Variants in UNC13C observed in about 807,000 individuals in gnomAD.
The protein encoded by UNC13C is protein unc-13 homolog C.
In UNC13C, 174 loss-of-function variants were observed where a neutral mutation model predicts 245.4. The observed-to-expected ratio is 0.71, with a 90% CI of 0.63 to 0.80. The LOEUF (loss-of-function observed/expected upper bound fraction) is 0.80. Ranked by LOEUF, UNC13C falls within the 30% of genes least tolerant of loss-of-function variation. The pLI is 0.00. For missense variants in UNC13C, 2,829 were observed against 2,602.9 expected (o/e 1.09, Z -1.89); for synonymous variants, 992 against 895.1 (o/e 1.11, Z -1.93).
chr15:54,256,150 A>C (rs1255550012), intron 8 of UNC13C, among the ~76,000 whole-genome samples: 3 of 152,218 alleles, frequency 2.0e-5, no homozygotes, highest in Non-Finnish European at 2.9e-5. Flanking sequence ...GAAAACAGTT[A>C]ATAATACTTG....
chr15:54,207,851 A>G (rs1018108687), intron 4 of UNC13C, among the ~76,000 whole-genome samples: 1 of 152,156 alleles, frequency 6.6e-6, no homozygotes, highest in African/African-American at 2.4e-5. Flanking sequence ...ATTTTGGAAC[A>G]AAATACTTAA....
intron 13 of UNC13C, among the ~76,000 whole-genome samples, chr15:54,307,674 T>G (rs1442824526): frequency 6.6e-6 from 1 of 151,922 alleles, no homozygotes. Context: ...ATGGGCAGCC[T>G]GAGGGCCCCA....
chr15:54,230,234 A>G (rs1323845672), intron 4 of UNC13C, among the ~76,000 whole-genome samples: 1 of 152,162 alleles, frequency 6.6e-6, no homozygotes, highest in Admixed American at 6.5e-5. Context: ...CTTTTTCTCC[A>G]TAGCATCACC....
chr15:53,893,155 C>T, the UNC13C span, among the ~76,000 whole-genome samples: 10 of 152,276 alleles, frequency 6.6e-5, no homozygotes, highest in Admixed American at 2.6e-4. Context: ...CACTCCAGAC[C>T]CTGTTTGCCT....
the UNC13C span, among the ~76,000 whole-genome samples, chr15:53,874,441 G>A: frequency 6.6e-6 from 1 of 152,102 alleles, no homozygotes; most frequent in African/African-American, 2.4e-5. Flanking sequence ...TATCCCCAAG[G>A]TGTTTACCTC....
intron 13 of UNC13C, among the ~76,000 whole-genome samples, chr15:54,312,525 A>C (rs901896094): frequency 6.6e-6 from 1 of 151,832 alleles, no homozygotes; most frequent in Non-Finnish European, 1.5e-5. Flanking sequence ...CAGAGCATAA[A>C]AGATTCTACA....
intron 2 of UNC13C, among the ~76,000 whole-genome samples, chr15:54,036,913 G>T (rs1441126244): frequency 2.6e-5 from 4 of 152,224 alleles, no homozygotes; most frequent in African/African-American, 9.6e-5. Context: ...AGCAGGGAGA[G>T]TCATTAAATG....
At chr15:53,941,779 A>G in the UNC13C span, among the ~76,000 whole-genome samples, 1 of 152,220 alleles carries the variant, frequency 6.6e-6, no homozygotes, top group Non-Finnish European at 1.5e-5. Flanking sequence ...AAAAGAGGAC[A>G]TTCATGGGGC....
chr15:54,420,149 T>C lies in UNC13C; in HGVS notation c.4933+5082T>C, dbSNP rs181727185. 1.6e-4 allele frequency among the ~76,000 whole-genome samples: 25 copies of C among 152,212 alleles called. No homozygotes were observed. The East Asian group carries it at 4.8e-3, about 29-fold the overall frequency. On this transcript the variant is annotated intron_variant, in intron 19 of 32. Transcript: ENST00000260323. The stretch of plus-strand genomic sequence containing the variant: ...AAATATAAGGTTTAGGGTTAGTGTA[T>C]CAGTTACCTATTATGATATAATGAA...
rs531692553 is a variant in UNC13C, at chr15:54,170,622, C to T, written c.3071+26938C>T. ...GGAAGAGACAGCCATTTCATTTGAA[C>T]AGGTTAAAGGATTTTATCTGTTATA... On this transcript the variant is annotated intron_variant, in intron 4 of 32. Coordinates refer to ENST00000260323, the MANE Select transcript of UNC13C (RefSeq NM_001080534.3). 2.0e-5 allele frequency among the ~76,000 whole-genome samples: 3 copies of T among 151,930 alleles called. No homozygotes were observed. In the South Asian group the frequency reaches 6.2e-4, roughly 32 times the overall value.
At chr15:54,380,400 T>C (rs1182116066) in intron 17 of UNC13C, among the ~76,000 whole-genome samples, 1 of 152,238 alleles carries the variant, frequency 6.6e-6, no homozygotes, top group Non-Finnish European at 1.5e-5. Context: ...TGATTCCATA[T>C]CTTGGCTATT....
the UNC13C span, among the ~76,000 whole-genome samples, chr15:53,899,205 C>T: frequency 3.9e-5 from 6 of 152,120 alleles, no homozygotes; most frequent in Non-Finnish European, 8.8e-5. Context: ...CTGCCTATGT[C>T]CACTGGAATA....
At chr15:53,898,594 C>A in the UNC13C span, among the ~76,000 whole-genome samples, 1 of 152,114 alleles carries the variant, frequency 6.6e-6, no homozygotes, top group Non-Finnish European at 1.5e-5. Flanking sequence ...CCCAAGGGAG[C>A]AGGGAGCTGA....
At chr15:54,155,710 G>C in intron 4 of UNC13C, among the ~76,000 whole-genome samples, 1 of 152,082 alleles carries the variant, frequency 6.6e-6, no homozygotes, top group Non-Finnish European at 1.5e-5. Flanking sequence ...TTTCCAGATG[G>C]GTGAATAAAA....
intron 4 of UNC13C, among the ~76,000 whole-genome samples, chr15:54,194,178 C>A (rs1320750513): frequency 4.6e-5 from 7 of 152,176 alleles, no homozygotes; most frequent in South Asian, 2.1e-4. Context: ...GGAGACTATA[C>A]AATGACCCAA....
intron 30 of UNC13C, among the ~76,000 whole-genome samples, chr15:54,621,385 G>C (rs1032590673): frequency 2.0e-5 from 3 of 152,014 alleles, no homozygotes; most frequent in African/African-American, 7.2e-5. Flanking sequence ...GTTTATAATA[G>C]CAAGGAATTA....
rs2039224143 is a variant in UNC13C at position 54,361,238 on chromosome 15, T to C, written c.4713+22749T>C. Among the ~76,000 whole-genome samples, 8 of 152,152 alleles carry C rather than the reference T, an allele frequency of 5.3e-5. No individual in the cohort carries two copies. In the South Asian group the frequency reaches 1.5e-3, roughly 28 times the overall value. On this transcript the variant is annotated intron_variant, in intron 17 of 32. Transcript: ENST00000260323. Reference sequence around the variant, plus strand: ...TATTTCCCTTCTTTGATCAAGTCTATTGTTGAGGCTTTCTAATGTGTTTTT... The same window carrying C: ...TATTTCCCTTCTTTGATCAAGTCTACTGTTGAGGCTTTCTAATGTGTTTTT...
intron 19 of UNC13C, among the ~76,000 whole-genome samples, chr15:54,490,322 C>T (rs982083140): frequency 5.3e-5 from 8 of 152,080 alleles, no homozygotes; most frequent in Admixed American, 1.3e-4. Context: ...CCATCCTCAA[C>T]GGGAAGACTT....
intron 2 of UNC13C, among the ~76,000 whole-genome samples, chr15:54,033,952 A>C (rs186756240): frequency 5.3e-5 from 8 of 152,330 alleles, no homozygotes; most frequent in Admixed American, 3.9e-4. Context: ...TCACAGGGTC[A>C]TTGAATTTAG....
Sources: gnomAD v4.1 joint callset for allele counts (sites outside exome capture counted in the v4.1 genomes callset) on GRCh38, gnomAD v4.1.1 for gene constraint, MANE v1.5 for transcripts, NCBI Gene and HGNC (gene_info 2026-07-23, HGNC 2026-07-21) for gene names.